Variants in TTC7B observed in about 807,000 individuals in gnomAD.
The protein encoded by TTC7B is tetratricopeptide repeat protein 7B.
Under a neutral mutation model 106.8 loss-of-function variants are expected in TTC7B, and 28 were observed. The ratio of observed to expected loss-of-function variants is 0.26; its 90% CI spans 0.19 to 0.36. TTC7B has a LOEUF of 0.36. TTC7B is among the 10% of genes least tolerant of loss of function. TTC7B has a pLI of 1.00. For missense variants in TTC7B, 862 were observed against 1,076.4 expected (o/e 0.80, Z 2.79); for synonymous variants, 405 against 430.6 (o/e 0.94, Z 0.74).
At chr14:90,700,308 A>T (rs1214847088) in intron 5 of TTC7B, among the ~76,000 whole-genome samples, 1 of 152,158 alleles carries the variant, frequency 6.6e-6, no homozygotes, top group Non-Finnish European at 1.5e-5. Flanking sequence ...GTGCCTTCAC[A>T]CTTGCTCCTC....
intron 8 of TTC7B, chr14:90,677,804 A>T: frequency 2.2e-6 from 1 of 454,880 alleles, no homozygotes; most frequent in Non-Finnish European, 4.4e-6. Flanking sequence ...ACTTTTAGCC[A>T]CCCATCAGTA....
At chr14:90,694,930 TATAATATGTCAC>T (rs1887646454) in intron 6 of TTC7B, among the ~76,000 whole-genome samples, 3 of 19,534 alleles carry the variant, frequency 1.5e-4, no homozygotes, top group Admixed American at 1.3e-3. Context: ...TAAATATATG[TATAATATGTCAC>T]ATATATTTAT....
rs111776494 is a variant in TTC7B at position 90,567,342 on chromosome 14, A to G, written c.2310+10764T>C. On this transcript the variant is annotated intron_variant, in intron 19 of 19. Transcript: ENST00000328459. ...AGCTGTGAGTGCAGGCATGCCACAC[A>G]GCAGGGAGAGACACATCTAGGCGGG... Among the ~76,000 whole-genome samples, 1,381 of 152,364 alleles carry G rather than the reference A, an allele frequency of 9.1e-3. 21 individuals are homozygous for G. The highest frequency in any genetic ancestry group is 0.032 in the African/African-American group (1,323 of 41,584).
chr14:90,668,359 A>G (rs965297749), intron 9 of TTC7B, among the ~76,000 whole-genome samples: 1 of 152,182 alleles, frequency 6.6e-6, no homozygotes, highest in African/African-American at 2.4e-5. Context: ...GTAGCCAAGT[A>G]TATTTCTCAA....
At position 90,532,512 on chromosome 14, in the gene TTC7B, C is replaced by T. The variant is rs1371986430; in HGVS notation, c.*8856G>A. On this transcript the variant is annotated 3_prime_UTR_variant, in exon 20 of 20. Coordinates refer to ENST00000328459, the MANE Select transcript of TTC7B (RefSeq NM_001010854.2). ...CCATCCCTCTTAAAGGTGAAGAAGC[C>T]CAGTGTCCTCCAGGGTGGGCACCTT... 6.6e-6 allele frequency: 1 copy of T among 152,190 alleles called. No homozygotes were observed. Among genetic ancestry groups the T allele is most frequent in the African/African-American group, 2.4e-5 (1 of 41,432 alleles). 9.4% of individuals were successfully genotyped at this position (152,190 alleles called of 1,614,324 possible).
At chr14:90,564,060 G>A (rs138125479) in intron 19 of TTC7B, among the ~76,000 whole-genome samples, 89 of 151,656 alleles carry the variant, frequency 5.9e-4, no homozygotes, top group African/African-American at 2.1e-3. Flanking sequence ...AATCATGGAT[G>A]ATCTTAATGG....
intron 5 of TTC7B, among the ~76,000 whole-genome samples, chr14:90,705,122 C>T (rs1362324603): frequency 6.6e-6 from 1 of 152,172 alleles, no homozygotes; most frequent in African/African-American, 2.4e-5. Flanking sequence ...AGAAAGTCCC[C>T]ACAAGAGACT....
chr14:90,698,958 T>C (rs1887874445), intron 5 of TTC7B: 2 of 333,838 alleles, frequency 6.0e-6, no homozygotes, highest in East Asian at 9.0e-5. Flanking sequence ...CTTCCATCTT[T>C]TCTTCTCTCC....
intron 15 of TTC7B, among the ~76,000 whole-genome samples, chr14:90,640,504 C>G: frequency 6.6e-6 from 1 of 152,244 alleles, no homozygotes; most frequent in Middle Eastern, 3.4e-3. Flanking sequence ...TAAATCTACA[C>G]AGGAAATTCA....
intron 1 of TTC7B, among the ~76,000 whole-genome samples, chr14:90,792,132 A>T (rs948420708): frequency 2.6e-4 from 40 of 152,156 alleles, no homozygotes; most frequent in African/African-American, 8.4e-4. Context: ...ATTTTTATTT[A>T]AACAATGGGT....
chr14:90,605,830 C>T (rs1595198696), intron 17 of TTC7B: 1 of 1,136,374 alleles, frequency 8.8e-7, no homozygotes, highest in East Asian at 6.2e-5. Flanking sequence ...AAAAAATAAA[C>T]TCGCTTTTAA....
At chr14:90,638,447 T>TA (rs1595232277) in intron 15 of TTC7B, among the ~76,000 whole-genome samples, 1 of 152,338 alleles carries the variant, frequency 6.6e-6, no homozygotes, top group East Asian at 1.9e-4. Context: ...AAGTACATAG[T>TA]AAATTTGATT....
chr14:90,702,708 A>G (rs1294680019), intron 5 of TTC7B, among the ~76,000 whole-genome samples: 4 of 152,196 alleles, frequency 2.6e-5, no homozygotes, highest in Non-Finnish European at 4.4e-5. Context: ...GGAACTCCCT[A>G]TGTAATTCCC....
At chr14:90,568,111 G>A (rs1890875510) in intron 19 of TTC7B, among the ~76,000 whole-genome samples, 1 of 152,210 alleles carries the variant, frequency 6.6e-6, no homozygotes, top group Non-Finnish European at 1.5e-5. Context: ...GCCACATTCT[G>A]AGTGACAGCC....
At chr14:90,676,746 C>T (rs1332892812) in intron 8 of TTC7B, 86 bp from the exon 9 acceptor site, 2 of 1,464,018 alleles carry the variant, frequency 1.4e-6, no homozygotes, top group African/African-American at 2.8e-5. Context: ...CCTGCCCCTA[C>T]CAATTTGCGA....
At chr14:90,547,295 T>C (rs1889878124) in intron 19 of TTC7B, among the ~76,000 whole-genome samples, 1 of 152,242 alleles carries the variant, frequency 6.6e-6, no homozygotes, top group East Asian at 1.9e-4. Context: ...AAAATGGACT[T>C]GGCCAGTTTC....
At chr14:90,684,443 A>G (rs1887177545) in intron 7 of TTC7B, among the ~76,000 whole-genome samples, 1 of 152,186 alleles carries the variant, frequency 6.6e-6, no homozygotes, top group Non-Finnish European at 1.5e-5. Flanking sequence ...TCTTCACAGA[A>G]GCACTGTTCC....
rs34829977 is a variant in TTC7B, at chr14:90,635,759, C to CA, written c.1751+8288dup. Among the ~76,000 whole-genome samples, 818 of 110,498 alleles carry CA rather than the reference C, an allele frequency of 7.4e-3. 13 individuals carry two copies. Among genetic ancestry groups the CA allele is most frequent in the African/African-American group, 0.02 (535 of 26,794 alleles). 72.5% of individuals were successfully genotyped at this position (110,498 alleles called of 152,430 possible). ...TGGGCGACAGAGTCAGACTCTGTCT[C>CA]AAAAAAAAAAAAAAAAAATTATCTA... is the stretch of plus-strand genomic sequence containing the variant. On this transcript the variant is annotated intron_variant, in intron 15 of 19. Coordinates refer to ENST00000328459, the MANE Select transcript of TTC7B (RefSeq NM_001010854.2).
rs574022194 is a variant in TTC7B, at chr14:90,779,543, G to A, written c.445+1195C>T. Among the ~76,000 whole-genome samples, 267 of 152,308 alleles carry A rather than the reference G, an allele frequency of 1.8e-3. 2 individuals are homozygous for A. The highest frequency in any genetic ancestry group is 6.3e-3 in the African/African-American group (262 of 41,568). The stretch of plus-strand genomic sequence containing the variant: ...TGGTCTCGAACTCCTGACCTCAGGT[G>A]ATCTGCCCGCCTTGGCCTCCAAAGT... On this transcript the variant is annotated intron_variant, in intron 3 of 19. Coordinates refer to ENST00000328459, the MANE Select transcript of TTC7B (RefSeq NM_001010854.2).
Sources: gnomAD v4.1 joint callset for allele counts (sites outside exome capture counted in the v4.1 genomes callset) on GRCh38, gnomAD v4.1.1 for gene constraint, MANE v1.5 for transcripts, NCBI Gene and HGNC (gene_info 2026-07-23, HGNC 2026-07-21) for gene names.